The following TBC1D19 variants were observed in gnomAD, a reference collection of about 807,000 sequenced individuals.
TBC1D19 encodes the protein TBC1 domain family, member 19.
Under a neutral mutation model 89.0 loss-of-function variants are expected in TBC1D19, and 60 were observed. The ratio of observed to expected loss-of-function variants is 0.67; its 90% CI spans 0.55 to 0.84. The LOEUF is 0.84. TBC1D19 is among the 40% of genes least tolerant of loss of function. TBC1D19 has a pLI of 0.00. For missense variants in TBC1D19, 500 were observed against 610.8 expected, an observed-to-expected ratio of 0.82 and a Z score of 1.91; for synonymous variants, 189 against 199.7, an observed-to-expected ratio of 0.95 and a Z score of 0.45.
At chr4:26,758,735 A>AT (rs536414490), downstream of TBC1D19, among the ~76,000 whole-genome samples, 82 of 152,010 alleles carry the variant, frequency 5.4e-4, no homozygotes, top group Non-Finnish European at 9.7e-4. Context: ...CCTCTGGACT[A>AT]TTTTTTTTAC....
intron 7 of TBC1D19, among the ~76,000 whole-genome samples, chr4:26,656,417 A>G (rs183338921): frequency 1.1e-4 from 17 of 152,242 alleles, no homozygotes; most frequent in Non-Finnish European, 1.3e-4. Flanking sequence ...TATTTTTCCA[A>G]TGTAAGCTGT....
At chr4:26,764,825 T>C in the TBC1D19 span, among the ~76,000 whole-genome samples, 250 of 152,320 alleles carry the variant, frequency 1.6e-3, 1 homozygote, top group Admixed American at 0.013. Flanking sequence ...TCTGAGAGAA[T>C]GGTAATTTTG....
At chr4:26,829,213 G>A in the TBC1D19 span, among the ~76,000 whole-genome samples, 2 of 152,160 alleles carry the variant, frequency 1.3e-5, no homozygotes, top group Non-Finnish European at 2.9e-5. Context: ...TGCCTTAATG[G>A]GAAAAACCTT....
chr4:26,839,497 G>T, the TBC1D19 span, among the ~76,000 whole-genome samples: 1 of 151,632 alleles, frequency 6.6e-6, no homozygotes, highest in South Asian at 2.1e-4. Context: ...TCTTTATTTA[G>T]TTAAAGAAGA....
Position 26,633,763 on chromosome 4 carries a change from A to T in TBC1D19, c.295-3448A>T, listed in dbSNP as rs560603772. Reference sequence around the variant, plus strand: ...TCTCTTCTGCATTAAAAACCCGTTCAGCCAGATATCCTTTTTCCTCAATGA... The same window carrying T: ...TCTCTTCTGCATTAAAAACCCGTTCTGCCAGATATCCTTTTTCCTCAATGA... On this transcript the variant is annotated intron_variant, in intron 4 of 20. Coordinates refer to ENST00000264866, the MANE Select transcript of TBC1D19 (RefSeq NM_018317.4). 5.9e-5 allele frequency among the ~76,000 whole-genome samples: 9 copies of T among 152,286 alleles called. No individual in the cohort carries two copies. In the South Asian group the frequency reaches 1.9e-3, roughly 32 times the overall value.
At chr4:26,651,237 T>G (rs566974985) in intron 7 of TBC1D19, among the ~76,000 whole-genome samples, 1 of 152,344 alleles carries the variant, frequency 6.6e-6, no homozygotes, top group East Asian at 1.9e-4. Flanking sequence ...TGGTAGTATT[T>G]TCCAATTCTG....
the TBC1D19 span, among the ~76,000 whole-genome samples, chr4:26,835,981 CT>C: frequency 6.9e-6 from 1 of 145,606 alleles, no homozygotes; most frequent in Non-Finnish European, 1.5e-5. Flanking sequence ...AGTGCTCTCT[CT>C]CTCTCTCTCT....
rs1161803991 is a variant in TBC1D19 at position 26,659,617 on chromosome 4, C to T, written c.501C>T (p.Asn167=). The T allele has an allele frequency of 6.3e-7, 1 of 1,586,876 alleles. No homozygotes were observed. The highest frequency in any genetic ancestry group is 8.6e-7 in the Non-Finnish European group (1 of 1,161,172). Residue 167 remains asparagine, a synonymous_variant, in exon 8 of 21, where the codon AAC becomes AAT. Transcript: ENST00000264866. The part of the protein sequence containing the change: ...DFLEVLINLR[N]PNYENGDSLS... ...TAAAGGTATTAATTAATCTTCGCAA[C>T]CCAAATTATGAAAACGGTGATTCTC...
At chr4:26,790,119 C>T in the TBC1D19 span, among the ~76,000 whole-genome samples, 1 of 152,088 alleles carries the variant, frequency 6.6e-6, no homozygotes, top group African/African-American at 2.4e-5. Context: ...ACTAAACACC[C>T]AGACTCCACT....
chr4:26,678,621 A>G (rs1437269981), intron 11 of TBC1D19, among the ~76,000 whole-genome samples: 2 of 152,044 alleles, frequency 1.3e-5, no homozygotes, highest in African/African-American at 4.8e-5. Flanking sequence ...ATAGAAAAAA[A>G]TGGGACAGGG....
chr4:26,637,013 A>G (rs1743177108), intron 4 of TBC1D19, among the ~76,000 whole-genome samples, 198 bp from the exon 5 acceptor site: 1 of 152,158 alleles, frequency 6.6e-6, no homozygotes, highest in Admixed American at 6.5e-5. Flanking sequence ...TCTGTTATTC[A>G]CTGCTTAATT....
intron 18 of TBC1D19, among the ~76,000 whole-genome samples, chr4:26,745,842 C>T (rs1718619930): frequency 6.6e-6 from 1 of 151,964 alleles, no homozygotes; most frequent in African/African-American, 2.4e-5. Flanking sequence ...CACATTCTAC[C>T]TTCAAATAAA....
At chr4:26,856,273 A>G in the TBC1D19 span, among the ~76,000 whole-genome samples, 2 of 152,210 alleles carry the variant, frequency 1.3e-5, no homozygotes, top group Non-Finnish European at 2.9e-5. Flanking sequence ...AATGTCCTCC[A>G]GTTCCACCCA....
chr4:26,781,432 G>A, the TBC1D19 span, among the ~76,000 whole-genome samples: 4 of 152,124 alleles, frequency 2.6e-5, no homozygotes, highest in Non-Finnish European at 5.9e-5. Flanking sequence ...CCACTGGGAG[G>A]TCGTGTGTGT....
intron 7 of TBC1D19, among the ~76,000 whole-genome samples, chr4:26,643,534 A>G (rs1054641551): frequency 6.6e-6 from 1 of 152,306 alleles, no homozygotes; most frequent in African/African-American, 2.4e-5. Context: ...AGCAAGAGCA[A>G]ACACATTCAA....
the TBC1D19 span, among the ~76,000 whole-genome samples, chr4:26,783,896 A>C: frequency 6.6e-6 from 1 of 152,112 alleles, no homozygotes; most frequent in Non-Finnish European, 1.5e-5. Context: ...CCAAATTATG[A>C]GGAGCATCCA....
chr4:26,779,279 T>A, the TBC1D19 span, among the ~76,000 whole-genome samples: 2 of 152,186 alleles, frequency 1.3e-5, no homozygotes, highest in East Asian at 3.9e-4. Context: ...TAAGGCACAG[T>A]CCTGGCCTTC....
chr4:26,603,307 T>C (rs1034743975), intron 1 of TBC1D19, among the ~76,000 whole-genome samples: 1 of 152,204 alleles, frequency 6.6e-6, no homozygotes, highest in African/African-American at 2.4e-5. Flanking sequence ...AACCAATATA[T>C]TTGAAAAGAT....
chr4:26,747,191 A>G (rs77277238), intron 18 of TBC1D19, among the ~76,000 whole-genome samples: 1 of 152,334 alleles, frequency 6.6e-6, no homozygotes, highest in East Asian at 1.9e-4. Context: ...CTAAAAAGCT[A>G]TGCTATGTTA....
Sources: allele counts gnomAD v4.1 joint callset (sites outside exome capture counted in the v4.1 genomes callset), GRCh38; gene constraint gnomAD v4.1.1; transcripts MANE v1.5; gene names NCBI Gene and HGNC (gene_info 2026-07-23, HGNC 2026-07-21).